Variants in GIGYF2 observed in about 807,000 individuals in gnomAD.
GIGYF2 encodes GRB10-interacting GYF protein 2.
In GIGYF2, 25 loss-of-function variants were observed where a neutral mutation model predicts 208.1. The ratio of observed to expected loss-of-function variants is 0.12; its 90% CI spans 0.09 to 0.17. GIGYF2 has a LOEUF of 0.17. Among genes scored for constraint, GIGYF2 ranks in the 10% least tolerant of loss-of-function variants. The pLI, the probability that GIGYF2 is intolerant of heterozygous loss-of-function variation, is 1.00. For missense variants in GIGYF2, 1,302 were observed against 1,579.4 expected, an observed-to-expected ratio of 0.82 and a Z score of 2.98; for synonymous variants, 534 against 543.8, an observed-to-expected ratio of 0.98 and a Z score of 0.25.
intron 23 of GIGYF2, among the ~76,000 whole-genome samples, chr2:232,842,155 A>G (rs778384602): frequency 1.3e-5 from 2 of 151,770 alleles, no homozygotes; most frequent in Non-Finnish European, 2.9e-5. Context: ...TATCTTTTCT[A>G]TGGGGCATTT....
At chr2:232,719,965 T>G (rs1696863151) in intron 2 of GIGYF2, among the ~76,000 whole-genome samples, 2 of 152,336 alleles carry the variant, frequency 1.3e-5, no homozygotes, top group South Asian at 4.1e-4. Context: ...ACGTGCAGTT[T>G]TGTTACATAG....
chr2:232,698,136 A>G (rs568784055), intron 1 of GIGYF2: 1 of 152,372 alleles, frequency 6.6e-6, no homozygotes, highest in African/African-American at 2.4e-5. Context: ...ACTGAAACAT[A>G]AATCAAGCGA....
At chr2:232,698,107 T>C (rs1455512513) in intron 1 of GIGYF2, among the ~76,000 whole-genome samples, 2 of 152,182 alleles carry the variant, frequency 1.3e-5, no homozygotes, top group Admixed American at 6.5e-5. Flanking sequence ...CCAAAAGCAC[T>C]CTGAATACTT....
At chr2:232,778,350 A>G (rs551451237) in intron 8 of GIGYF2, among the ~76,000 whole-genome samples, 9 of 152,358 alleles carry the variant, frequency 5.9e-5, no homozygotes, top group African/African-American at 2.2e-4. Flanking sequence ...TGGCAAAATG[A>G]TCTTCAATTA....
intron 23 of GIGYF2, among the ~76,000 whole-genome samples, chr2:232,843,656 T>C (rs1377156042): frequency 1.3e-5 from 2 of 150,820 alleles, no homozygotes; most frequent in African/African-American, 4.9e-5. Context: ...GGCAGATCGC[T>C]TGAGGCCAGG....
At chr2:232,739,765 T>A (rs912621344) in intron 3 of GIGYF2, among the ~76,000 whole-genome samples, 2 of 151,928 alleles carry the variant, frequency 1.3e-5, no homozygotes, top group Non-Finnish European at 2.9e-5. Context: ...AACGTTTTGG[T>A]TTCTATCGTA....
At chr2:232,770,737 G>C (rs1699207531) in intron 8 of GIGYF2, among the ~76,000 whole-genome samples, 1 of 142,804 alleles carries the variant, frequency 7.0e-6, no homozygotes, top group Admixed American at 7.0e-5. Context: ...TATTTTTTTT[G>C]GCTCTAAACT....
chr2:232,845,664 G>A, intron 25 of GIGYF2, 68 bp from the exon 26 acceptor site: 1 of 1,300,718 alleles, frequency 7.7e-7, no homozygotes, highest in Non-Finnish European at 1.1e-6. Flanking sequence ...CATTATTTAT[G>A]GTGTTGTACT....
At chr2:232,714,820 T>C (rs904605597) in intron 2 of GIGYF2, among the ~76,000 whole-genome samples, 1 of 152,120 alleles carries the variant, frequency 6.6e-6, no homozygotes, top group African/African-American at 2.4e-5. Flanking sequence ...AATACTTTTA[T>C]GTTCAGGGGT....
At chr2:232,712,469 T>C (rs1479362271) in intron 2 of GIGYF2, among the ~76,000 whole-genome samples, 4 of 152,216 alleles carry the variant, frequency 2.6e-5, no homozygotes, top group Non-Finnish European at 4.4e-5. Flanking sequence ...CTCTCTCTTA[T>C]GAGTACATGC....
In GIGYF2 at chr2:232,787,317, C is replaced by A. The variant is rs754136598; in HGVS notation, c.700C>A (p.Pro234Thr). The A allele has an allele frequency of 6.2e-7, 1 of 1,613,640 alleles. No homozygotes were observed. Among genetic ancestry groups the A allele is most frequent in the African/African-American group, 1.3e-5 (1 of 74,942 alleles). ...GSRRDGERWR[P>T]HSPDGPRSAG... Reference sequence around the variant, plus strand: ...AAGGAGGGATGGAGAGAGGTGGCGACCTCACAGTCCTGGTAAGAATTCTGT... The same window carrying A: ...AAGGAGGGATGGAGAGAGGTGGCGAACTCACAGTCCTGGTAAGAATTCTGT... The change falls in exon 9 of 29, where the codon CCT (proline) becomes ACT (threonine). Residue 234 changes from proline (P) to threonine (T), a missense_variant. Pro to Thr is a conservative substitution (Grantham distance 38). Around this residue, in one of 8 missense-constraint regions of GIGYF2, gnomAD observed 189 missense variants for 257.7 expected, o/e 0.73. Coordinates refer to ENST00000373563, the MANE Select transcript of GIGYF2 (RefSeq NM_001103146.3).
rs369045823 is a variant in GIGYF2, at chr2:232,719,378, C to T, written c.-43-15777C>T. On this transcript the variant is annotated intron_variant, in intron 2 of 28. Transcript: ENST00000373563. ...TGGGACTTACTACGTAGATTTGTCA[C>T]CTTTTTTTTGAAAGTGATTTCCTGA... is the stretch of plus-strand genomic sequence containing the variant. 7.9e-5 allele frequency among the ~76,000 whole-genome samples: 12 copies of T among 152,254 alleles called. No homozygotes were observed. The East Asian group carries it at 9.6e-4, about 12-fold the overall frequency.
chr2:232,788,862 AAGAC>A (rs1212198117), intron 9 of GIGYF2, among the ~76,000 whole-genome samples: 1 of 151,570 alleles, frequency 6.6e-6, no homozygotes, highest in Non-Finnish European at 1.5e-5. Context: ...ATATTTTTAA[AAGAC>A]AGTTTGGGGG....
At chr2:232,814,564 A>ACCCCCCCCCCC (rs1187503725) in intron 18 of GIGYF2, among the ~76,000 whole-genome samples, 2 of 65,188 alleles carry the variant, frequency 3.1e-5, no homozygotes, top group Admixed American at 1.9e-4. Context: ...CTCCACCTCA[A>ACCCCCCCCCCC]ACCCCCCCCC....
At chr2:232,819,333 A>G (rs1020668364) in intron 20 of GIGYF2, among the ~76,000 whole-genome samples, 1 of 152,166 alleles carries the variant, frequency 6.6e-6, no homozygotes, top group Non-Finnish European at 1.5e-5. Context: ...ACTTAATAGT[A>G]TTGGTGGGAC....
chr2:232,742,482 A>G (rs553042833), intron 3 of GIGYF2, among the ~76,000 whole-genome samples: 2 of 152,298 alleles, frequency 1.3e-5, no homozygotes, highest in South Asian at 2.1e-4. Flanking sequence ...TGGAGGTTGC[A>G]GTGAGCTGAG....
intron 14 of GIGYF2, among the ~76,000 whole-genome samples, chr2:232,799,143 T>C (rs745777030): frequency 1.3e-5 from 2 of 152,098 alleles, no homozygotes; most frequent in Admixed American, 6.6e-5. Flanking sequence ...TTTCCTTCCT[T>C]TTTAAGACTG....
chr2:232,800,284 C>T lies in GIGYF2; in HGVS notation c.1639+4063C>T, dbSNP rs116752996. Among the ~76,000 whole-genome samples, 1,455 of 152,182 alleles carry T rather than the reference C, an allele frequency of 9.6e-3. 25 individuals carry two copies. Among genetic ancestry groups the T allele is most frequent in the African/African-American group, 0.033 (1,355 of 41,498 alleles). On this transcript the variant is annotated intron_variant, in intron 14 of 28. Transcript: ENST00000373563. Reference sequence around the variant, plus strand: ...TAGGTCATGCACTTAGATCTTTGATCCATTTTGAGTTTTTGAGTATGGTGT... The same window carrying T: ...TAGGTCATGCACTTAGATCTTTGATTCATTTTGAGTTTTTGAGTATGGTGT...
chr2:232,838,876 A>C (rs780697657), intron 22 of GIGYF2, among the ~76,000 whole-genome samples: 8 of 151,660 alleles, frequency 5.3e-5, no homozygotes, highest in Admixed American at 2.0e-4. Context: ...CATATTGGCT[A>C]AAAAATGTTA....
Sources: allele counts gnomAD v4.1 joint callset (sites outside exome capture counted in the v4.1 genomes callset), GRCh38; gene constraint gnomAD v4.1.1; regional missense constraint gnomAD v4.1.1; transcripts MANE v1.5; gene names NCBI Gene and HGNC (gene_info 2026-07-23, HGNC 2026-07-21).